Variants in CYP3A43 observed in about 807,000 individuals in gnomAD.
CYP3A43 encodes the protein cytochrome P450 family 3 subfamily A member 43, also known as cytochrome P450 3A43.
A neutral mutation model predicts 58.0 loss-of-function variants in CYP3A43; 45 were observed. The observed-to-expected ratio is 0.78, with a 90% CI of 0.61 to 0.99. The LOEUF (loss-of-function observed/expected upper bound fraction) is 0.99, where lower values mean the gene tolerates loss of function less well. Among genes scored for constraint, CYP3A43 ranks in the 50% least tolerant of loss-of-function variants. The pLI is 0.00. For missense variants in CYP3A43, 593 were observed against 591.9 expected (o/e 1.00, Z -0.02); for synonymous variants, 191 against 201.4 (o/e 0.95, Z 0.44).
At chr7:99,847,913 A>G (rs2151607338) in intron 5 of CYP3A43, 3 of 535,332 alleles carry the variant, frequency 5.6e-6, no homozygotes, top group Non-Finnish European at 1.0e-5. Context: ...TCAGAAGGCT[A>G]AGGCAGAAGA....
At chr7:99,860,077 A>G in intron 10 of CYP3A43, 87 bp downstream of exon 10, 2 of 1,482,066 alleles carry the variant, frequency 1.3e-6, no homozygotes, top group Non-Finnish European at 1.8e-6. Context: ...CAATTTTTGC[A>G]AAAAGCGTAA....
intron 9 of CYP3A43, among the ~76,000 whole-genome samples, chr7:99,858,301 C>A (rs143002997): frequency 6.6e-6 from 1 of 152,298 alleles, no homozygotes; most frequent in African/African-American, 2.4e-5. Flanking sequence ...AATCACAACT[C>A]TGTAGACCTT....
chr7:99,835,151 G>A (rs1158236133), intron 1 of CYP3A43, among the ~76,000 whole-genome samples: 4 of 152,196 alleles, frequency 2.6e-5, no homozygotes, highest in Non-Finnish European at 5.9e-5. Flanking sequence ...ACTCTTAATA[G>A]TGCTGTCTGT....
chr7:99,859,897 C>A lies in CYP3A43; in HGVS notation c.933C>A (p.Ser311Arg), dbSNP rs963111838. ...TTTTTGCTGCCTATGACACAACTAG[C>A]ACCACTCTCCCCTTCATTATGTATG... ...IIIFAAYDTT[S>R]TTLPFIMYEL... The change falls in exon 10 of 13, where the codon AGC (serine) becomes AGA (arginine). Residue 311 changes from serine to arginine, a missense_variant. Coordinates refer to ENST00000354829, the MANE Select transcript of CYP3A43 (RefSeq NM_057095.3). 6.2e-7 allele frequency: 1 copy of A among 1,614,126 alleles called. No individual in the cohort carries two copies. Among genetic ancestry groups the A allele is most frequent in the Admixed American group, 1.7e-5 (1 of 60,012 alleles).
At chr7:99,828,225 G>C in intron 1 of CYP3A43, 39 bp downstream of exon 1, 1 of 1,467,698 alleles carries the variant, frequency 6.8e-7, no homozygotes, top group Non-Finnish European at 9.2e-7. Flanking sequence ...TTAACTCTAA[G>C]ACCTGAAGTG....
chr7:99,851,142 T>TG (rs1319731986), intron 7 of CYP3A43, among the ~76,000 whole-genome samples: 5 of 151,008 alleles, frequency 3.3e-5, no homozygotes, highest in Admixed American at 3.3e-4. Flanking sequence ...TCCAGCCTGG[T>TG]GACAGAGCAA....
chr7:99,849,832 T>A, intron 7 of CYP3A43, 138 bp downstream of exon 7: 1 of 917,736 alleles, frequency 1.1e-6, no homozygotes, highest in South Asian at 1.8e-5. Context: ...TTGGTACATT[T>A]AAAGATATGC....
chr7:99,861,567 T>G, intron 10 of CYP3A43, 46 bp from the exon 11 acceptor site: 1 of 1,560,716 alleles, frequency 6.4e-7, no homozygotes, highest in Non-Finnish European at 8.8e-7. Context: ...AAGTTGAAAG[T>G]TAATTCCCAA....
At position 99,844,142 on chromosome 7, in the gene CYP3A43, G is replaced by A. The variant is rs148195838; in HGVS notation, c.219-1G>A. On this transcript the variant is annotated splice_acceptor_variant, in intron 3 of 12. Transcript: ENST00000354829. LOFTEE classifies it high-confidence loss of function. ...AGTCAGCTCTGTTTTCCCCCACACA[G>A]GCTGTATGAGGGGCAACAGCCCATG... The A allele has an allele frequency of 1.2e-6, 2 of 1,612,180 alleles. No homozygotes were observed. Among genetic ancestry groups the A allele is most frequent in the African/African-American group, 1.3e-5 (1 of 74,846 alleles).
chr7:99,847,042 C>T (rs45580532), intron 4 of CYP3A43, among the ~76,000 whole-genome samples: 309 of 152,198 alleles, frequency 2.0e-3, no homozygotes, highest in African/African-American at 7.3e-3. Flanking sequence ...TCAAACCACC[C>T]CTTTGTCAAG....
intron 3 of CYP3A43, among the ~76,000 whole-genome samples, chr7:99,840,608 T>C (rs1344423649): frequency 6.6e-6 from 1 of 152,222 alleles, no homozygotes; most frequent in East Asian, 1.9e-4. Context: ...AATGTAATCA[T>C]TTGCCACACT....
intron 2 of CYP3A43, chr7:99,838,681 C>T: frequency 7.8e-7 from 1 of 1,288,534 alleles, no homozygotes. Flanking sequence ...CTTAAGAGGT[C>T]TCTGAATAAG....
rs757279242 is a variant in CYP3A43, at chr7:99,849,586, T to G, written c.562T>G (p.Leu188Val). 6.2e-7 allele frequency: 1 copy of G among 1,612,882 alleles called. No homozygotes were observed. The highest frequency in any genetic ancestry group is 1.7e-5 in the Admixed American group (1 of 59,760). ...CACCATGGATGTAATCACTGGCACA[T>G]TATTTGGAGTGAACTTGGATTCTCT... ...AYTMDVITGTLFGVNLDSLNN... is the reference protein window; with the variant it reads ...AYTMDVITGTVFGVNLDSLNN... Residue 188 changes from leucine to valine, a missense_variant, in exon 7 of 13, where the codon TTA (leucine) becomes GTA (valine). Transcript: ENST00000354829.
At position 99,855,698 on chromosome 7, in the gene CYP3A43, C is replaced by G. The variant is rs749902724; in HGVS notation, c.778C>G (p.Arg260Gly). Residue 260 changes from arginine to glycine, a missense_variant, in exon 8 of 13, where the codon CGC (arginine) becomes GGC (glycine). Arg to Gly is a moderately radical substitution (Grantham distance 125). Coordinates refer to ENST00000354829, the MANE Select transcript of CYP3A43 (RefSeq NM_057095.3). Reference sequence around the variant, plus strand: ...TTCCATTGAAAGGATGAAAGAAAGTCGCCTCAAAGATAAACAAAAGGTAAA... The same window carrying G: ...TTCCATTGAAAGGATGAAAGAAAGTGGCCTCAAAGATAAACAAAAGGTAAA... ...KNSIERMKES[R>G]LKDKQKHRVD... is the part of the protein sequence containing the mutation. 3 of 1,610,596 alleles carry G rather than the reference C, an allele frequency of 1.9e-6. No individual in the cohort carries two copies. The highest frequency in any genetic ancestry group is 3.4e-5 in the Admixed American group (2 of 59,460).
chr7:99,843,930 A>G (rs1817439718), intron 3 of CYP3A43, among the ~76,000 whole-genome samples: 1 of 152,034 alleles, frequency 6.6e-6, no homozygotes, highest in Admixed American at 6.6e-5. Flanking sequence ...GAGCCACATC[A>G]CCCTTCGTTG....
intron 10 of CYP3A43, among the ~76,000 whole-genome samples, chr7:99,860,704 G>A (rs765946099): frequency 2.6e-5 from 4 of 152,160 alleles, no homozygotes; most frequent in South Asian, 2.1e-4. Flanking sequence ...GAAATTGTTC[G>A]AGAAAGACAG....
intron 2 of CYP3A43, among the ~76,000 whole-genome samples, chr7:99,837,385 C>CTA (rs2151593966): frequency 6.6e-6 from 1 of 151,814 alleles, no homozygotes; most frequent in African/African-American, 2.4e-5. Flanking sequence ...AGCTATTTAC[C>CTA]GCTGGATAAT....
At chr7:99,861,229 CA>C (rs1387118556) in intron 10 of CYP3A43, among the ~76,000 whole-genome samples, 1 of 152,154 alleles carries the variant, frequency 6.6e-6, no homozygotes, top group Non-Finnish European at 1.5e-5. Flanking sequence ...TTGCTTTTTA[CA>C]TTTTCTTTTT....
At chr7:99,839,011 G>A in intron 2 of CYP3A43, 109 bp from the exon 3 acceptor site, 1 of 1,269,908 alleles carries the variant, frequency 7.9e-7, no homozygotes, top group Non-Finnish European at 1.1e-6. Context: ...GTAAATGGTA[G>A]CAAGCCTAAT....
Sources: gnomAD v4.1 joint callset for allele counts (sites outside exome capture counted in the v4.1 genomes callset) on GRCh38, gnomAD v4.1.1 for gene constraint, MANE v1.5 for transcripts, NCBI Gene and HGNC (gene_info 2026-07-23, HGNC 2026-07-21) for gene names.